The following TWF1 variants were observed in gnomAD, a reference collection of about 807,000 sequenced individuals.
TWF1 encodes the protein twinfilin-1.
In TWF1, 14 loss-of-function variants were observed where a neutral mutation model predicts 47.9. That is an observed-to-expected ratio of 0.29 (90% CI 0.19 to 0.46). The LOEUF (loss-of-function observed/expected upper bound fraction) is 0.46. Ranked by LOEUF, TWF1 falls within the 20% of genes least tolerant of loss-of-function variation. The pLI is 1.00. For synonymous variants in TWF1, 96 were observed against 139.2 expected (o/e 0.69, Z 2.18); for missense variants, 281 against 409.3 (o/e 0.69, Z 2.70).
At chr12:43,798,834 T>C (rs1942606033) in intron 5 of TWF1, among the ~76,000 whole-genome samples, 1 of 152,024 alleles carries the variant, frequency 6.6e-6, no homozygotes, top group Non-Finnish European at 1.5e-5. Context: ...CCAGTAGAAA[T>C]ACAGTAGTTA....
At chr12:43,805,463 C>CTCG in intron 1 of TWF1, 1 of 444,962 alleles carries the variant, frequency 2.2e-6, no homozygotes, top group Non-Finnish European at 4.5e-6. Flanking sequence ...TACACTAGAA[C>CTCG]TCGTTAAGTG....
Position 43,795,267 on chromosome 12 carries a change from CT to C in TWF1, c.*317del, listed in dbSNP as rs1490724788. ...CCCACAAGAAAGTAGTAAGTTTACC[CT>C]TTGAGACATCAGACTTTCTAGAACT... On this transcript the variant is annotated 3_prime_UTR_variant, in exon 9 of 9. Transcript: ENST00000395510. 4.8e-6 allele frequency: 1 copy of C among 207,306 alleles called. No individual in the cohort carries two copies. Among genetic ancestry groups the C allele is most frequent in the African/African-American group, 2.3e-5 (1 of 43,250 alleles). The allele number at this position is 207,306 out of a possible 1,614,324, so 12.8% of individuals were successfully genotyped here.
intron 5 of TWF1, 106 bp downstream of exon 5, chr12:43,799,292 C>T: frequency 1.5e-6 from 1 of 669,150 alleles, no homozygotes; most frequent in Non-Finnish European, 2.4e-6. Flanking sequence ...TAAACCTAAG[C>T]TACCTAACTT....
At chr12:43,805,401 T>C (rs1942740758) in intron 1 of TWF1, 1 of 370,140 alleles carries the variant, frequency 2.7e-6, no homozygotes, top group Admixed American at 3.2e-5. Flanking sequence ...AAACATACAA[T>C]TAAGTGTTCA....
intron 1 of TWF1, among the ~76,000 whole-genome samples, chr12:43,805,081 T>C (rs1175431389): frequency 6.6e-6 from 1 of 152,248 alleles, no homozygotes; most frequent in Non-Finnish European, 1.5e-5. Flanking sequence ...GTTATATTTT[T>C]CTAACTTGCA....
At chr12:43,805,844 G>T (rs748215365) in intron 1 of TWF1, 2 of 1,404,126 alleles carry the variant, frequency 1.4e-6, no homozygotes, top group Non-Finnish European at 1.9e-6. Context: ...GTTCTCGACA[G>T]CGTACTGAAG....
rs111562698 is a variant in TWF1 at position 43,801,302 on chromosome 12, C to A, written c.283-772G>T. On this transcript the variant is annotated intron_variant, in intron 3 of 8. Coordinates refer to ENST00000395510, the MANE Select transcript of TWF1 (RefSeq NM_002822.5). ...AAAAAATTCAAGAGTCAACTAGTAT[C>A]TATGGAAAGCTACTAAAGATAACTA... Among the ~76,000 whole-genome samples the A allele has an allele frequency of 4.0e-4, 61 of 152,220 alleles. 1 individual carries two copies. Among genetic ancestry groups the A allele is most frequent in the African/African-American group, 1.4e-3 (59 of 41,550 alleles).
chr12:43,804,507 A>T lies in TWF1; in HGVS notation c.91T>A (p.Ser31Thr). ...ATATTTAACTAACCATTTTCAATAGATATTTTCAGAAGTCTGTACTTTCCA... is the reference window on the plus strand; with the variant it reads ...ATATTTAACTAACCATTTTCAATAGTTATTTTCAGAAGTCTGTACTTTCCA... Reference protein sequence around the residue: ...RNGKYRLLKISIENEQLVIGS... With the variant: ...RNGKYRLLKITIENEQLVIGS... Residue 31 changes from serine (S) to threonine (T), a missense_variant, in exon 2 of 9, where the codon TCT (serine) becomes ACT (threonine). Physicochemically the swap from Ser to Thr is moderately conservative, Grantham distance 58. Coordinates refer to ENST00000395510, the MANE Select transcript of TWF1 (RefSeq NM_002822.5). 6.3e-7 allele frequency: 1 copy of T among 1,589,270 alleles called. No individual in the cohort carries two copies. Among genetic ancestry groups the T allele is most frequent in the South Asian group, 1.1e-5 (1 of 87,126 alleles).
At chr12:43,798,489 A>G in intron 5 of TWF1, 1 of 1,411,608 alleles carries the variant, frequency 7.1e-7, no homozygotes. Flanking sequence ...TTTACTTTTA[A>G]AAAAATGAAT....
intron 5 of TWF1, among the ~76,000 whole-genome samples, chr12:43,798,918 T>G (rs946300257): frequency 6.6e-6 from 1 of 152,082 alleles, no homozygotes; most frequent in Non-Finnish European, 1.5e-5. Flanking sequence ...TGGCTGAAAT[T>G]TATTGACTCT....
At chr12:43,798,656 C>G in intron 5 of TWF1, 1 of 1,417,672 alleles carries the variant, frequency 7.1e-7, no homozygotes, top group Non-Finnish European at 9.4e-7. Flanking sequence ...AAGCCCTACT[C>G]AAATAATATG....
chr12:43,798,502 A>G, intron 5 of TWF1: 2 of 1,426,684 alleles, frequency 1.4e-6, no homozygotes, highest in Non-Finnish European at 1.8e-6. Flanking sequence ...AAATGAATGG[A>G]GATTCTACAG....
chr12:43,796,899 C>T, intron 8 of TWF1, 77 bp downstream of exon 8: 1 of 1,384,462 alleles, frequency 7.2e-7, no homozygotes, highest in Admixed American at 2.1e-5. Context: ...ATTTATAAAT[C>T]ACAGTACATC....
intron 8 of TWF1, 38 bp from the exon 9 acceptor site, chr12:43,795,793 C>T (rs1038715974): frequency 6.9e-6 from 11 of 1,599,672 alleles, no homozygotes; most frequent in Non-Finnish European, 9.4e-6. Flanking sequence ...CATTCAAAAC[C>T]TAATACAAGC....
At chr12:43,802,574 C>A in intron 2 of TWF1, 110 bp from the exon 3 acceptor site, 3 of 819,640 alleles carry the variant, frequency 3.7e-6, no homozygotes, top group South Asian at 3.6e-5. Context: ...TACTATTATT[C>A]ACATCAAAAA....
At chr12:43,796,097 C>T (rs1942545002) in intron 8 of TWF1, among the ~76,000 whole-genome samples, 1 of 152,150 alleles carries the variant, frequency 6.6e-6, no homozygotes, top group Non-Finnish European at 1.5e-5. Context: ...CACTTGAAAG[C>T]CCTCTACAAG....
intron 5 of TWF1, chr12:43,798,512 G>T: frequency 6.8e-7 from 1 of 1,465,300 alleles, no homozygotes; most frequent in Non-Finnish European, 9.0e-7. Context: ...AGATTCTACA[G>T]CATAAATGAT....
Position 43,794,722 on chromosome 12 carries a change from TTAAAG to T in TWF1, c.*858_*862del, listed in dbSNP as rs1942519447. On this transcript the variant is annotated 3_prime_UTR_variant, in exon 9 of 9. Transcript: ENST00000395510. ...CGTTAGCCTGTTAAGTACCAGGACT[TTAAAG>T]TAATTTTAAATCTGAGTATTTGCTC... is the stretch of plus-strand genomic sequence containing the variant. The T allele has an allele frequency of 6.6e-6, 1 of 152,350 alleles. No homozygotes were observed. The highest frequency in any genetic ancestry group is 2.1e-4 in the South Asian group (1 of 4,810). 9.4% of individuals were successfully genotyped at this position (152,350 alleles called of 1,614,324 possible).
At chr12:43,803,364 G>A (rs1250456078) in intron 2 of TWF1, among the ~76,000 whole-genome samples, 1 of 152,052 alleles carries the variant, frequency 6.6e-6, no homozygotes, top group Non-Finnish European at 1.5e-5. Flanking sequence ...AAGCAAAATT[G>A]TTTAAAGGGG....
Sources: gnomAD v4.1 joint callset for allele counts (sites outside exome capture counted in the v4.1 genomes callset) on GRCh38, gnomAD v4.1.1 for gene constraint, MANE v1.5 for transcripts, NCBI Gene and HGNC (gene_info 2026-07-23, HGNC 2026-07-21) for gene names.